Variants in ADAMTS2 observed in about 807,000 individuals in gnomAD.
ADAMTS2 encodes the protein A disintegrin and metalloproteinase with thrombospondin motifs 2.
In ADAMTS2, 50 loss-of-function variants were observed where a neutral mutation model predicts 123.0. The observed-to-expected ratio is 0.41, with a 90% CI of 0.32 to 0.51. The LOEUF is 0.51. Among genes scored for constraint, ADAMTS2 ranks in the 20% least tolerant of loss-of-function variants. The pLI, the probability that ADAMTS2 is intolerant of heterozygous loss-of-function variation, is 0.35. For synonymous variants in ADAMTS2, 678 were observed against 695.4 expected (o/e 0.98, Z 0.39); for missense variants, 1,494 against 1,705.2 (o/e 0.88, Z 2.18).
Position 179,132,177 on chromosome 5 carries a change from T to A in ADAMTS2, c.2290+53A>T. On this transcript the variant is annotated intron_variant, in intron 15 of 21. Transcript: ENST00000251582. The surrounding 1 kb of genome is among the most constrained non-coding windows in gnomAD (Gnocchi z 6.1). Reference sequence around the variant, plus strand: ...TGACCCCTGGCACTCTGCCCATTGATCCCAGAGGAGCCAGGTCCTGAGGAC... The same window carrying A: ...TGACCCCTGGCACTCTGCCCATTGAACCCAGAGGAGCCAGGTCCTGAGGAC... 1 of 1,567,266 alleles carries A rather than the reference T, an allele frequency of 6.4e-7. No individual in the cohort carries two copies. Among genetic ancestry groups the A allele is most frequent in the Non-Finnish European group, 8.8e-7 (1 of 1,140,292 alleles).
chr5:179,300,471 G>T (rs1322761554), intron 2 of ADAMTS2, among the ~76,000 whole-genome samples: 1 of 152,134 alleles, frequency 6.6e-6, no homozygotes, highest in Non-Finnish European at 1.5e-5. Context: ...ATGTTTAATT[G>T]TAAACAATGG....
At chr5:179,304,478 T>C (rs924980572) in intron 2 of ADAMTS2, among the ~76,000 whole-genome samples, 4 of 152,198 alleles carry the variant, frequency 2.6e-5, no homozygotes, top group South Asian at 2.1e-4. Context: ...AATGGAAAGA[T>C]AGTCTCAGCA....
intron 3 of ADAMTS2, among the ~76,000 whole-genome samples, chr5:179,269,465 A>C (rs540057243): frequency 1.3e-5 from 2 of 152,260 alleles, no homozygotes; most frequent in East Asian, 3.9e-4. Flanking sequence ...CGAGAGAGAG[A>C]GAGCTTGTGC....
At chr5:179,265,037 T>C (rs1211694914) in intron 3 of ADAMTS2, among the ~76,000 whole-genome samples, 7 of 152,200 alleles carry the variant, frequency 4.6e-5, no homozygotes, top group Non-Finnish European at 8.8e-5. Context: ...CGGGTGGGGC[T>C]GAGCACACTG....
rs559870206 is a variant in ADAMTS2, at chr5:179,260,797, C to G, written c.688+12114G>C. 6.6e-6 allele frequency among the ~76,000 whole-genome samples: 1 copy of G among 152,332 alleles called. No individual in the cohort carries two copies. Among genetic ancestry groups the G allele is most frequent in the Admixed American group, 6.5e-5 (1 of 15,306 alleles). On this transcript the variant is annotated intron_variant, in intron 3 of 21. Coordinates refer to ENST00000251582, the MANE Select transcript of ADAMTS2 (RefSeq NM_014244.5). This position sits in a 1 kb window ranked among gnomAD's most constrained non-coding sequence, Gnocchi z 4.2. ...CCTGCAGCGTGCTGGCAGACGCGGTCAACGGTAAGTGCTCCAGGAACGCGT... is the reference window on the plus strand; with the variant it reads ...CCTGCAGCGTGCTGGCAGACGCGGTGAACGGTAAGTGCTCCAGGAACGCGT...
At chr5:179,326,742 G>A (rs1757330256) in intron 2 of ADAMTS2, among the ~76,000 whole-genome samples, 1 of 152,096 alleles carries the variant, frequency 6.6e-6, no homozygotes, top group South Asian at 2.1e-4. Flanking sequence ...GAAACAGGAG[G>A]CTCGCTCGCC....
intron 3 of ADAMTS2, among the ~76,000 whole-genome samples, chr5:179,255,871 A>T (rs1307846649): frequency 3.3e-5 from 5 of 152,242 alleles, no homozygotes; most frequent in African/African-American, 1.2e-4. Context: ...GCAGCCCTGG[A>T]GTGTGTGACA....
At chr5:179,330,615 C>A (rs1244975257) in intron 2 of ADAMTS2, among the ~76,000 whole-genome samples, 1 of 152,230 alleles carries the variant, frequency 6.6e-6, no homozygotes, top group Non-Finnish European at 1.5e-5. Context: ...GTGATCTCCA[C>A]CCAGCGCTGC....
At chr5:179,198,083 G>A (rs972322539) in intron 4 of ADAMTS2, among the ~76,000 whole-genome samples, 2 of 152,142 alleles carry the variant, frequency 1.3e-5, no homozygotes, top group East Asian at 3.9e-4. Context: ...AGTACTTCAG[G>A]GAGTATGTTT....
At chr5:179,280,573 T>C (rs1183628851) in intron 2 of ADAMTS2, among the ~76,000 whole-genome samples, 4 of 152,064 alleles carry the variant, frequency 2.6e-5, no homozygotes, top group Non-Finnish European at 4.4e-5. Context: ...AGAAACCCAC[T>C]CCTGTAAAAT....
chr5:179,127,851 C>T lies in ADAMTS2; in HGVS notation c.2617+108G>A, dbSNP rs753997330. ...TTGCCCACCCAGGCAAAGGTCCCTG[C>T]TGTGGCTCCTCGGCCCCTGCTCACG... On this transcript the variant is annotated intron_variant, in intron 17 of 21. Coordinates refer to ENST00000251582, the MANE Select transcript of ADAMTS2 (RefSeq NM_014244.5). 1.2e-4 allele frequency: 177 copies of T among 1,475,528 alleles called. No homozygotes were observed. In the Middle Eastern group the frequency reaches 1.6e-3, roughly 13 times the overall value. 91.4% of individuals were successfully genotyped at this position (1,475,528 alleles called of 1,614,324 possible). A position where few individuals can be genotyped will look rare whatever the true frequency, so the allele number is the denominator to read the frequency against.
intron 2 of ADAMTS2, among the ~76,000 whole-genome samples, chr5:179,281,978 T>C (rs866239159): frequency 6.6e-6 from 1 of 152,390 alleles, no homozygotes; most frequent in Middle Eastern, 3.4e-3. Context: ...ATACTTTCCC[T>C]ATTTTTAATA....
At chr5:179,243,672 C>A (rs2113455105) in intron 3 of ADAMTS2, among the ~76,000 whole-genome samples, 1 of 152,232 alleles carries the variant, frequency 6.6e-6, no homozygotes, top group East Asian at 1.9e-4. Flanking sequence ...AAAAAGGCGG[C>A]AACAGACACT....
chr5:179,279,791 C>T (rs745712749), intron 2 of ADAMTS2, among the ~76,000 whole-genome samples: 4 of 152,248 alleles, frequency 2.6e-5, no homozygotes, highest in Admixed American at 6.5e-5. Flanking sequence ...TTGAGCCACT[C>T]GGTCCTCACC....
rs138580383 is a variant in ADAMTS2 at position 179,272,948 on chromosome 5, C to A, written c.651G>T (p.Thr217=). The stretch of plus-strand genomic sequence containing the variant: ...CCTGTGGCCCCCCGAGAGGAGGGGA[C>A]GTGGGTGGCCGGCGATACACCACAT... ...RVHVVYRRPP[T]SPPLGGPQAL... Residue 217 remains threonine, a synonymous_variant, in exon 3 of 22, where the codon ACG becomes ACT. Coordinates refer to ENST00000251582, the MANE Select transcript of ADAMTS2 (RefSeq NM_014244.5). This position sits in a 1 kb window ranked among gnomAD's most constrained non-coding sequence, Gnocchi z 5.8. 6.2e-7 allele frequency: 1 copy of A among 1,611,890 alleles called. No homozygotes were observed. The highest frequency in any genetic ancestry group is 1.3e-5 in the African/African-American group (1 of 74,898).
At chr5:179,306,199 T>A (rs977819394) in intron 2 of ADAMTS2, among the ~76,000 whole-genome samples, 1 of 149,198 alleles carries the variant, frequency 6.7e-6, no homozygotes, top group African/African-American at 2.5e-5. Context: ...TCAATGAACA[T>A]AGACACAAAA....
At chr5:179,235,959 G>T (rs1765513804) in intron 3 of ADAMTS2, among the ~76,000 whole-genome samples, 1 of 152,220 alleles carries the variant, frequency 6.6e-6, no homozygotes, top group East Asian at 1.9e-4. Context: ...CCTGGTCCTG[G>T]TCCCAGGTGC....
chr5:179,133,901 G>C (rs1373817767), intron 13 of ADAMTS2, among the ~76,000 whole-genome samples: 1 of 150,590 alleles, frequency 6.6e-6, no homozygotes, highest in Non-Finnish European at 1.5e-5. Context: ...TAGTAGAGAC[G>C]GGGTTTCACC....
Position 179,162,876 on chromosome 5 carries a change from G to T in ADAMTS2, c.976-3997C>A, listed in dbSNP as rs567730241. ...GAGCCACGTGCTTCCTCCTTTGGGG[G>T]ACCACAGGGACCCCAGTCAGGACAC... On this transcript the variant is annotated intron_variant, in intron 5 of 21. Coordinates refer to ENST00000251582, the MANE Select transcript of ADAMTS2 (RefSeq NM_014244.5). This position sits in a 1 kb window ranked among gnomAD's most constrained non-coding sequence, Gnocchi z 5.1. Among the ~76,000 whole-genome samples, 3 of 152,350 alleles carry T rather than the reference G, an allele frequency of 2.0e-5. No homozygotes were observed. In the South Asian group the frequency reaches 6.2e-4, roughly 32 times the overall value.
Sources: gnomAD v4.1 joint callset for allele counts (sites outside exome capture counted in the v4.1 genomes callset) on GRCh38, gnomAD v4.1.1 for gene constraint, Gnocchi (gnomAD v3.1) non-coding constraint, MANE v1.5 for transcripts, NCBI Gene and HGNC (gene_info 2026-07-23, HGNC 2026-07-21) for gene names.